BCAR1: variants seen among roughly 807,000 people sequenced by gnomAD.
BCAR1 encodes the protein BCAR1 scaffold protein, Cas family member, also known as breast cancer anti-estrogen resistance protein 1.
In BCAR1, 30 loss-of-function variants were observed where a neutral mutation model predicts 67.6. The ratio of observed to expected loss-of-function variants is 0.44; its 90% CI spans 0.33 to 0.60. The LOEUF is 0.60. BCAR1 is among the 20% of genes least tolerant of loss of function. The pLI, the probability that BCAR1 is intolerant of heterozygous loss-of-function variation, is 0.02. For synonymous variants in BCAR1, 626 were observed against 556.7 expected (o/e 1.12, Z -1.75); for missense variants, 1,313 against 1,222.3 (o/e 1.07, Z -1.11).
At chr16:75,234,164 G>GACAGAC (rs1491375654) in intron 5 of BCAR1, among the ~76,000 whole-genome samples, 10 of 94,958 alleles carry the variant, frequency 1.1e-4, no homozygotes, top group African/African-American at 3.1e-4. Flanking sequence ...CAGGCAGACA[G>GACAGAC]ACACACACAC....
chr16:75,267,795 G>A lies in BCAR1; in HGVS notation c.66+120C>T, dbSNP rs1019219785. On this transcript the variant is annotated intron_variant, in intron 1 of 6. Coordinates refer to the BCAR1 transcript ENST00000393422. ...AGCCCAAGGGAGGGGCGCAGATGGA[G>A]CTGGACCCTCCAATCCATCTCATCC... 8.3e-6 allele frequency: 9 copies of A among 1,085,474 alleles called. No individual in the cohort carries two copies. In the African/African-American group the frequency reaches 1.1e-4, roughly 13 times the overall value. The allele number at this position is 1,085,474 out of a possible 1,614,324, so 67.2% of individuals were successfully genotyped here. A position where few individuals can be genotyped will look rare whatever the true frequency, so the allele number is the denominator to read the frequency against.
At chr16:75,266,022 GC>G (rs534922064) in intron 1 of BCAR1, 63 of 1,021,384 alleles carry the variant, frequency 6.2e-5, no homozygotes, top group South Asian at 1.8e-4. Context: ...CGCCCGCGCC[GC>G]CCCCCCCACC....
At chr16:75,240,899 C>G (rs974447757) in intron 2 of BCAR1, among the ~76,000 whole-genome samples, 2 of 152,266 alleles carry the variant, frequency 1.3e-5, no homozygotes, top group African/African-American at 4.8e-5. Context: ...GGAGACAGAA[C>G]AGCTGCCAAA....
Position 75,229,936 on chromosome 16 carries a change from G to A in BCAR1, c.2188C>T (p.Pro730Ser), listed in dbSNP as rs575252720. The A allele has an allele frequency of 1.7e-5, 28 of 1,604,824 alleles. No individual in the cohort carries two copies. The highest frequency in any genetic ancestry group is 3.3e-4 in the Middle Eastern group (2 of 6,036). The change falls in exon 7 of 7, where the codon CCG (proline) becomes TCG (serine). Residue 730 changes from proline (P) to serine (S), a missense_variant. Physicochemically the swap from Pro to Ser is moderately conservative, Grantham distance 74. This residue lies in a region of BCAR1 where 1,272 missense variants were observed against 1,137.5 expected (regional missense o/e 1.12). Coordinates refer to ENST00000162330, the MANE Select transcript of BCAR1 (RefSeq NM_014567.5). ...ANWTPAQPLA[P>S]GRTGGLGPSD... ...GGCCCCAGGCCGCCTGTTCGCCCCGGGGCCAGGGGTTGGGCTGGCGTCCAG... is the reference window on the plus strand; with the variant it reads ...GGCCCCAGGCCGCCTGTTCGCCCCGAGGCCAGGGGTTGGGCTGGCGTCCAG...
intron 2 of BCAR1, among the ~76,000 whole-genome samples, chr16:75,240,076 A>G (rs2151428094): frequency 6.6e-6 from 1 of 152,116 alleles, no homozygotes; most frequent in East Asian, 1.9e-4. Flanking sequence ...CCTCTCCCTC[A>G]GCCATACGGG....
At chr16:75,240,505 G>A (rs960418411) in intron 2 of BCAR1, among the ~76,000 whole-genome samples, 2 of 152,198 alleles carry the variant, frequency 1.3e-5, no homozygotes, top group Admixed American at 1.3e-4. Context: ...TCTAATGTTG[G>A]ATTTACAACT....
chr16:75,262,127 C>A (rs938874720), intron 1 of BCAR1, among the ~76,000 whole-genome samples: 1 of 152,114 alleles, frequency 6.6e-6, no homozygotes, highest in Non-Finnish European at 1.5e-5. Context: ...AAACACTCTC[C>A]CCACCCCGCA....
chr16:75,266,821 G>A (rs1441754476), intron 1 of BCAR1: 8 of 1,341,568 alleles, frequency 6.0e-6, no homozygotes, highest in Non-Finnish European at 7.8e-6. Context: ...TGTCCCGGAG[G>A]TCAGCGCTGC....
At chr16:75,237,757 C>T (rs573951950) in intron 2 of BCAR1, among the ~76,000 whole-genome samples, 2 of 152,288 alleles carry the variant, frequency 1.3e-5, no homozygotes, top group South Asian at 2.1e-4. Flanking sequence ...CAAGAGGCCA[C>T]GTCGGAGGCC....
chr16:75,235,475 G>T lies in BCAR1; in HGVS notation c.1424C>A (p.Ala475Asp). 6.2e-7 allele frequency: 1 copy of T among 1,604,204 alleles called. No homozygotes were observed. The highest frequency in any genetic ancestry group is 1.7e-5 in the Admixed American group (1 of 58,720). Residue 475 changes from alanine (A) to aspartate (D), a missense_variant, in exon 5 of 7, where the codon GCC (alanine) becomes GAC (aspartate). This residue lies in a region of BCAR1 where 1,272 missense variants were observed against 1,137.5 expected (regional missense o/e 1.12). Transcript: ENST00000162330. ...RLQQGVSATV[A>D]HLLDLAGSAG... Reference sequence around the variant, plus strand: ...GCTGCCTGCCAGGTCCAGAAGGTGGGCAACGGTGGCGCTCACACCCTGCTG... The same window carrying T: ...GCTGCCTGCCAGGTCCAGAAGGTGGTCAACGGTGGCGCTCACACCCTGCTG...
rs1054176004 is a variant in BCAR1 at position 75,238,825 on chromosome 16, G to T, written c.634-1481C>A. On this transcript the variant is annotated intron_variant, in intron 2 of 6. Coordinates refer to ENST00000162330, the MANE Select transcript of BCAR1 (RefSeq NM_014567.5). ...CAACAGCGGGGCAGGCGGGGCGGAG[G>T]GACGTGGCAGGTTGGCTGGGCCTCG... 3 of 985,312 alleles carry T rather than the reference G, an allele frequency of 3.0e-6. No homozygotes were observed. In the African/African-American group the frequency reaches 5.2e-5, roughly 17 times the overall value. The allele number at this position is 985,312 out of a possible 1,614,324, so 61.0% of individuals were successfully genotyped here. A position where few individuals can be genotyped will look rare whatever the true frequency, so the allele number is the denominator to read the frequency against.
intron 2 of BCAR1, among the ~76,000 whole-genome samples, chr16:75,239,542 G>A (rs1454733594): frequency 2.0e-5 from 3 of 152,184 alleles, no homozygotes; most frequent in East Asian, 3.9e-4. Context: ...GTGGGCCCCC[G>A]CCCTGGAGCT....
chr16:75,247,903 G>A (rs2077566319), intron 1 of BCAR1: 2 of 706,374 alleles, frequency 2.8e-6, no homozygotes, highest in Admixed American at 1.8e-5. Flanking sequence ...CAGGGTTGGG[G>A]GCAGACAAGG....
At chr16:75,265,269 G>A (rs1026263798) in intron 1 of BCAR1, 1 of 152,350 alleles carries the variant, frequency 6.6e-6, no homozygotes, top group African/African-American at 2.4e-5. Context: ...AAGCCGTCCT[G>A]GGGGAGGGGT....
chr16:75,235,948 G>A lies in BCAR1; in HGVS notation c.951C>T (p.Pro317=), dbSNP rs769786635. ...DVPPSVSKDV[P]DGPLLREETY... ...TCTCCTCACGCAGCAGTGGGCCATC[G>A]GGCACATCCTTGCTCACCGATGGAG... is the stretch of plus-strand genomic sequence containing the variant. Residue 317 remains proline (P), a synonymous_variant, in exon 5 of 7, where the codon CCC becomes CCT. Coordinates refer to ENST00000162330, the MANE Select transcript of BCAR1 (RefSeq NM_014567.5). The A allele has an allele frequency of 1.5e-5, 23 of 1,574,804 alleles. No homozygotes were observed. Among genetic ancestry groups the A allele is most frequent in the East Asian group, 9.3e-5 (4 of 43,136 alleles).
At chr16:75,264,104 G>A in intron 1 of BCAR1, 2 of 1,264,010 alleles carry the variant, frequency 1.6e-6, no homozygotes. Context: ...CCACGACAGT[G>A]CCTATCTGTC....
chr16:75,234,164 G>C (rs7404505), intron 5 of BCAR1, among the ~76,000 whole-genome samples: 44,427 of 94,834 alleles, frequency 0.47, 7,115 homozygotes, highest in East Asian at 0.62. Context: ...CAGGCAGACA[G>C]ACACACACAC....
At chr16:75,243,190 T>A (rs112547473) in intron 1 of BCAR1, 100 bp from the exon 2 acceptor site, 8 of 1,268,846 alleles carry the variant, frequency 6.3e-6, no homozygotes, top group Non-Finnish European at 8.7e-6. Context: ...CCAGCTTTGA[T>A]ACTAGGAAAA....
chr16:75,259,908 A>G (rs910219995), intron 1 of BCAR1, among the ~76,000 whole-genome samples: 1 of 151,642 alleles, frequency 6.6e-6, no homozygotes, highest in Non-Finnish European at 1.5e-5. Context: ...ATAAAGCCAG[A>G]CCTGGCCTGG....
Sources: allele counts gnomAD v4.1 joint callset (sites outside exome capture counted in the v4.1 genomes callset), GRCh38; gene constraint gnomAD v4.1.1; regional missense constraint gnomAD v4.1.1; transcripts MANE v1.5; gene names NCBI Gene and HGNC (gene_info 2026-07-23, HGNC 2026-07-21).